The following CCDC40 variants were observed in gnomAD, a reference collection of about 807,000 sequenced individuals.
The protein encoded by CCDC40 is coiled-coil domain-containing protein 40.
A neutral mutation model predicts 124.5 loss-of-function variants in CCDC40; 104 were observed. The ratio of observed to expected loss-of-function variants is 0.84; its 90% CI spans 0.71 to 0.98. CCDC40 has a LOEUF of 0.98. Ranked by LOEUF, CCDC40 falls within the 50% of genes least tolerant of loss-of-function variation. The pLI, the probability that CCDC40 is intolerant of heterozygous loss-of-function variation, is 0.00. For synonymous variants in CCDC40, 580 were observed against 602.9 expected, an observed-to-expected ratio of 0.96 and a Z score of 0.56; for missense variants, 1,463 against 1,503.9, an observed-to-expected ratio of 0.97 and a Z score of 0.45.
chr17:80,076,350 G>T (rs2038310618), intron 10 of CCDC40, among the ~76,000 whole-genome samples: 1 of 152,154 alleles, frequency 6.6e-6, no homozygotes, highest in Admixed American at 6.5e-5. Context: ...AAGGCAGGCA[G>T]ATGACCTGAG....
In CCDC40 at chr17:80,100,513, T is replaced by C. The variant is rs1567821159; in HGVS notation, c.*738T>C. The C allele has an allele frequency of 6.6e-6, 1 of 152,152 alleles. No individual in the cohort carries two copies. The highest frequency in any genetic ancestry group is 1.5e-5 in the Non-Finnish European group (1 of 68,078). 9.4% of individuals were successfully genotyped at this position (152,152 alleles called of 1,614,324 possible). ...CTGGACTTCCAAGTACCAATGACCT[T>C]GGGGCTTCTTTGCAGTTTAAAGGGA... is the stretch of plus-strand genomic sequence containing the variant. On this transcript the variant is annotated 3_prime_UTR_variant, in exon 20 of 20. Transcript: ENST00000397545.
chr17:80,086,467 C>A lies in CCDC40; in HGVS notation c.2449+251C>A. 2.1e-6 allele frequency: 1 copy of A among 485,324 alleles called. No homozygotes were observed. Among genetic ancestry groups the A allele is most frequent in the East Asian group, 3.9e-5 (1 of 25,516 alleles). 30.1% of individuals were successfully genotyped at this position (485,324 alleles called of 1,614,324 possible). On this transcript the variant is annotated intron_variant, in intron 14 of 19. Coordinates refer to ENST00000397545, the MANE Select transcript of CCDC40 (RefSeq NM_017950.4). The surrounding 1 kb of genome is among the most constrained non-coding windows in gnomAD (Gnocchi z 5.5). ...GGCTCCAAGCTCACGGACTTCAGAG[C>A]TCTCCTTGAGAGAGGAGCATGGAAG... is the stretch of plus-strand genomic sequence containing the variant.
intron 19 of CCDC40, 73 bp downstream of exon 19, chr17:80,097,476 C>T (rs1298742925): frequency 6.5e-7 from 1 of 1,545,294 alleles, no homozygotes; most frequent in Non-Finnish European, 8.9e-7. Flanking sequence ...TCCTGCGTCC[C>T]CTCTGTGCGA....
chr17:80,089,752 C>T lies in CCDC40; in HGVS notation c.2712-12C>T. ...CTCCTAATTTCTTACACTGCCTCTC[C>T]TACCTCTAAAGACACCAGATTATGC... On this transcript the variant is annotated splice_polypyrimidine_tract_variant and intron_variant, in intron 16 of 19. Transcript: ENST00000397545. 1.2e-6 allele frequency: 2 copies of T among 1,614,182 alleles called. No individual in the cohort carries two copies. Among genetic ancestry groups the T allele is most frequent in the Non-Finnish European group, 1.7e-6 (2 of 1,179,994 alleles).
intron 16 of CCDC40, among the ~76,000 whole-genome samples, chr17:80,088,708 G>A (rs1469082333): frequency 6.6e-6 from 1 of 152,240 alleles, no homozygotes; most frequent in African/African-American, 2.4e-5. Flanking sequence ...TCGGGAGGCT[G>A]AGGTGGGAGG....
At chr17:80,056,012 A>ATTTT (rs1278622929) in intron 7 of CCDC40, among the ~76,000 whole-genome samples, 13 of 14,134 alleles carry the variant, frequency 9.2e-4, no homozygotes, top group African/African-American at 2.6e-3. Flanking sequence ...ATATATATAT[A>ATTTT]TATATTTTTT....
At chr17:80,041,131 G>T (rs1443222106) in intron 3 of CCDC40, among the ~76,000 whole-genome samples, 1 of 152,164 alleles carries the variant, frequency 6.6e-6, no homozygotes, top group African/African-American at 2.4e-5. Flanking sequence ...TTAAACACTG[G>T]AGAGTGGGTT....
At chr17:80,091,379 T>G (rs996272079) in intron 17 of CCDC40, among the ~76,000 whole-genome samples, 2 of 150,990 alleles carry the variant, frequency 1.3e-5, no homozygotes, top group East Asian at 1.9e-4. Context: ...AGATTTACTA[T>G]GAGAATTGGC....
intron 10 of CCDC40, among the ~76,000 whole-genome samples, chr17:80,079,004 G>T (rs2038381523): frequency 6.8e-6 from 1 of 147,962 alleles, no homozygotes; most frequent in Non-Finnish European, 1.5e-5. Flanking sequence ...AACAATCTCA[G>T]CTTACTGCAA....
intron 10 of CCDC40, among the ~76,000 whole-genome samples, chr17:80,078,926 C>A (rs2038377342): frequency 1.3e-5 from 2 of 148,808 alleles, no homozygotes; most frequent in Non-Finnish European, 1.5e-5. Flanking sequence ...TCTCCAGTAT[C>A]AGTATCTTTT....
rs2038460446 is a variant in CCDC40 at position 80,081,941 on chromosome 17, C to T, written c.1872C>T (p.Leu624=). ...IRQAIQGELE[L]RRKTDAAIRE... ...AAGCCATCCAGGGCGAGCTGGAGCTCAGGAGGAAGACGGATGCTGCCATCC... is the reference window on the plus strand; with the variant it reads ...AAGCCATCCAGGGCGAGCTGGAGCTTAGGAGGAAGACGGATGCTGCCATCC... The change falls in exon 12 of 20, where the codon CTC becomes CTT. Residue 624 remains leucine (L), a synonymous_variant. Coordinates refer to ENST00000397545, the MANE Select transcript of CCDC40 (RefSeq NM_017950.4). 6.2e-7 allele frequency: 1 copy of T among 1,613,912 alleles called. No individual in the cohort carries two copies. The highest frequency in any genetic ancestry group is 2.2e-5 in the East Asian group (1 of 44,802).
chr17:80,056,712 A>C (rs2037757360), intron 7 of CCDC40, among the ~76,000 whole-genome samples: 1 of 152,030 alleles, frequency 6.6e-6, no homozygotes, highest in African/African-American at 2.4e-5. Context: ...CAATTTTGAA[A>C]AGGAAGGATA....
intron 7 of CCDC40, among the ~76,000 whole-genome samples, chr17:80,056,000 A>ATTTTTTTTTTT (rs1285051283): frequency 5.3e-4 from 4 of 7,572 alleles, no homozygotes; most frequent in Non-Finnish European, 1.3e-3. Flanking sequence ...ATATATATAT[A>ATTTTTTTTTTT]TATATATATA....
At chr17:80,043,976 A>G (rs1050670569) in intron 3 of CCDC40, among the ~76,000 whole-genome samples, 7 of 152,084 alleles carry the variant, frequency 4.6e-5, no homozygotes, top group Non-Finnish European at 8.8e-5. Flanking sequence ...TTAGGTTTCA[A>G]TTGTTCTGCG....
chr17:80,091,342 C>CACACAG (rs1555594249), intron 17 of CCDC40, among the ~76,000 whole-genome samples: 1 of 144,924 alleles, frequency 6.9e-6, no homozygotes, highest in Non-Finnish European at 1.5e-5. Context: ...CACACACACA[C>CACACAG]AGAGAGAGAG....
intron 1 of CCDC40, 27 bp from the exon 2 acceptor site, chr17:80,038,096 A>C (rs1467534764): frequency 2.0e-6 from 3 of 1,533,470 alleles, no homozygotes; most frequent in Admixed American, 1.7e-5. Context: ...GTTGCTTGAA[A>C]CTGTTCAATT....
In CCDC40 at chr17:80,087,227, T is replaced by TGG. The variant is rs1250507543; in HGVS notation, c.2450-380_2450-379insGG. On this transcript the variant is annotated intron_variant, in intron 14 of 19. Transcript: ENST00000397545. This position sits in a 1 kb window ranked among gnomAD's most constrained non-coding sequence, Gnocchi z 4.5. ...CAGGGCAGGGGTCTAAGGGCCTCCC[T>TGG]CTCCTGGAGACTCACAGTGTCTGAG... 30 of 342,300 alleles carry TGG rather than the reference T, an allele frequency of 8.8e-5. No homozygotes were observed. Among genetic ancestry groups the TGG allele is most frequent in the African/African-American group, 6.1e-4 (29 of 47,234 alleles). 21.2% of individuals were successfully genotyped at this position (342,300 alleles called of 1,614,324 possible).
Position 80,089,777 on chromosome 17 carries a change from C to T in CCDC40, c.2725C>T (p.Leu909Phe). Reference sequence around the variant, plus strand: ...CTACCTCTAAAGACACCAGATTATGCTTTGGGAGAAAAAAATCCAACTGGC... The same window carrying T: ...CTACCTCTAAAGACACCAGATTATGTTTTGGGAGAAAAAAATCCAACTGGC... Reference protein sequence around the residue: ...QLVEAEHQIMLWEKKIQLAKE... With the variant: ...QLVEAEHQIMFWEKKIQLAKE... Residue 909 changes from leucine to phenylalanine, a missense_variant, in exon 17 of 20, where the codon CTT (leucine) becomes TTT (phenylalanine). Coordinates refer to ENST00000397545, the MANE Select transcript of CCDC40 (RefSeq NM_017950.4). The T allele has an allele frequency of 1.2e-6, 2 of 1,614,218 alleles. No homozygotes were observed. Among genetic ancestry groups the T allele is most frequent in the Non-Finnish European group, 1.7e-6 (2 of 1,180,034 alleles).
In CCDC40 at chr17:80,095,392, C is replaced by T. The variant is rs757374609; in HGVS notation, c.2962C>T (p.Arg988Cys). ...QRKMDRKALT[R>C]TDFHHKQLEL... ...CAAGATGGACAGGAAGGCGCTCACC[C>T]GCACCGACTTCCACCACAAGCAGCT... The change falls in exon 18 of 20, where the codon CGC becomes TGC. Residue 988 changes from arginine (R) to cysteine (C), a missense_variant. Physicochemically the swap from Arg to Cys is radical, Grantham distance 180 (BLOSUM62 -3). Transcript: ENST00000397545. The T allele has an allele frequency of 1.1e-5, 18 of 1,614,142 alleles. No individual in the cohort carries two copies. Among genetic ancestry groups the T allele is most frequent in the Middle Eastern group, 1.6e-4 (1 of 6,062 alleles).
Sources: gnomAD v4.1 joint callset for allele counts (sites outside exome capture counted in the v4.1 genomes callset) on GRCh38, gnomAD v4.1.1 for gene constraint, Gnocchi (gnomAD v3.1) non-coding constraint, MANE v1.5 for transcripts, NCBI Gene and HGNC (gene_info 2026-07-23, HGNC 2026-07-21) for gene names.